Variants in STK39 observed in about 807,000 individuals in gnomAD.
STK39 encodes serine/threonine kinase 39.
STK39 carries 20 observed loss-of-function variants against 77.8 expected under a neutral mutation model. The observed-to-expected ratio is 0.26, with a 90% confidence interval of 0.18 to 0.37. The LOEUF (loss-of-function observed/expected upper bound fraction) is 0.37. Among genes scored for constraint, STK39 ranks in the 10% least tolerant of loss-of-function variants. The pLI is 1.00. For missense variants in STK39, 479 were observed against 656.5 expected (o/e 0.73, Z 2.95); for synonymous variants, 246 against 234.1 (o/e 1.05, Z -0.47).
chr2:168,091,688 C>A (rs1559092861), intron 10 of STK39, among the ~76,000 whole-genome samples: 2 of 151,724 alleles, frequency 1.3e-5, no homozygotes, highest in Non-Finnish European at 2.9e-5. Flanking sequence ...TTTTTGTTAC[C>A]TTTTTTTTAA....
At chr2:168,055,100 C>T (rs1407234005) in intron 14 of STK39, among the ~76,000 whole-genome samples, 1 of 152,118 alleles carries the variant, frequency 6.6e-6, no homozygotes, top group Non-Finnish European at 1.5e-5. Context: ...AGAACATGTA[C>T]TAAAAAAGCA....
rs187131722 is a variant in STK39 at position 168,036,722 on chromosome 2, C to T, written c.1377-19627G>A. ...GATACCTGCTTCTGCTTTCTAAAAG[C>T]CAGTAAGGAAACGTAGCAACAGGAT... On this transcript the variant is annotated intron_variant, in intron 14 of 17. Coordinates refer to ENST00000355999, the MANE Select transcript of STK39 (RefSeq NM_013233.3). Among the ~76,000 whole-genome samples the T allele has an allele frequency of 2.6e-5, 4 of 152,176 alleles. No individual in the cohort carries two copies. The East Asian group carries it at 7.7e-4, about 29-fold the overall frequency.
chr2:168,183,015 C>A (rs1024923888), intron 1 of STK39, among the ~76,000 whole-genome samples: 1 of 152,130 alleles, frequency 6.6e-6, no homozygotes, highest in African/African-American at 2.4e-5. Context: ...AATGATTCAT[C>A]AAATAGCATC....
chr2:168,238,339 T>G (rs1452122349), intron 1 of STK39, among the ~76,000 whole-genome samples: 2 of 152,160 alleles, frequency 1.3e-5, no homozygotes, highest in African/African-American at 4.8e-5. Context: ...GTTAGAAACC[T>G]AAACCCATAA....
intron 16 of STK39, among the ~76,000 whole-genome samples, chr2:167,989,387 T>C (rs1302877804): frequency 2.0e-5 from 3 of 152,182 alleles, no homozygotes; most frequent in Admixed American, 2.0e-4. Context: ...CTTCACTAAA[T>C]AGCTATTCTC....
intron 1 of STK39, among the ~76,000 whole-genome samples, chr2:168,226,366 C>A (rs1430092432): frequency 6.6e-6 from 1 of 152,128 alleles, no homozygotes; most frequent in African/African-American, 2.4e-5. Context: ...CCCACATCTA[C>A]CTTTATAAAG....
intron 16 of STK39, among the ~76,000 whole-genome samples, chr2:167,970,771 AC>A (rs1485870251): frequency 6.6e-6 from 1 of 152,236 alleles, no homozygotes; most frequent in Non-Finnish European, 1.5e-5. Flanking sequence ...CCATACTTCA[AC>A]CAGTCATACA....
At chr2:168,066,832 G>A (rs967359344) in intron 12 of STK39, among the ~76,000 whole-genome samples, 4 of 152,228 alleles carry the variant, frequency 2.6e-5, no homozygotes, top group African/African-American at 9.7e-5. Context: ...CAGCAATATG[G>A]TAATTCCTCA....
intron 16 of STK39, among the ~76,000 whole-genome samples, chr2:167,976,269 T>C (rs1190060983): frequency 6.6e-6 from 1 of 152,216 alleles, no homozygotes; most frequent in Non-Finnish European, 1.5e-5. Flanking sequence ...AAAACAGTAG[T>C]TAGAAAAAAT....
In STK39 at chr2:168,161,669, A is replaced by G. The variant is rs1484313855; in HGVS notation, c.628+118T>C. The G allele has an allele frequency of 4.3e-6, 3 of 691,108 alleles. No homozygotes were observed. The South Asian group carries it at 7.6e-5, about 18-fold the overall frequency. 42.8% of individuals were successfully genotyped at this position (691,108 alleles called of 1,614,324 possible). On this transcript the variant is annotated intron_variant, in intron 5 of 17. Coordinates refer to ENST00000355999, the MANE Select transcript of STK39 (RefSeq NM_013233.3). ...TCCTTCGGACCCAAACATTCTGTAA[A>G]TATCATTCTGAAAAGAGATTACATG...
chr2:167,955,982 C>G (rs1691753553), intron 17 of STK39, among the ~76,000 whole-genome samples: 1 of 152,288 alleles, frequency 6.6e-6, no homozygotes, highest in African/African-American at 2.4e-5. Flanking sequence ...CAGAAGAGAT[C>G]TAACAGGTCA....
At chr2:168,131,702 G>A (rs928655231) in intron 8 of STK39, among the ~76,000 whole-genome samples, 4 of 152,154 alleles carry the variant, frequency 2.6e-5, no homozygotes, top group Non-Finnish European at 4.4e-5. Flanking sequence ...ATTGCTTTGA[G>A]TAACTAAGGG....
At chr2:168,195,233 C>A (rs911165601) in intron 1 of STK39, among the ~76,000 whole-genome samples, 10 of 152,060 alleles carry the variant, frequency 6.6e-5, no homozygotes, top group African/African-American at 2.4e-4. Flanking sequence ...CCCGTCCCTA[C>A]AAAAATTTTT....
intron 10 of STK39, among the ~76,000 whole-genome samples, chr2:168,098,589 T>C (rs1312054482): frequency 6.6e-6 from 1 of 152,212 alleles, no homozygotes; most frequent in Non-Finnish European, 1.5e-5. Context: ...CACCTCCATC[T>C]GAACTGTGCT....
At chr2:168,021,281 T>A (rs1441330685) in intron 14 of STK39, among the ~76,000 whole-genome samples, 1 of 152,170 alleles carries the variant, frequency 6.6e-6, no homozygotes, top group East Asian at 1.9e-4. Flanking sequence ...TCTGCCTATA[T>A]CACCTGTGGT....
At chr2:168,007,834 C>G (rs920923720) in intron 16 of STK39, among the ~76,000 whole-genome samples, 1 of 152,100 alleles carries the variant, frequency 6.6e-6, no homozygotes, top group African/African-American at 2.4e-5. Context: ...GGTGGAGAAC[C>G]ACTGCAGAGT....
At chr2:168,080,175 A>G (rs79405031) in intron 10 of STK39, among the ~76,000 whole-genome samples, 10,308 of 152,258 alleles carry the variant, frequency 0.068, 679 homozygotes, top group East Asian at 0.19. Context: ...ACAGATTGGT[A>G]GAACTTTGAA....
At chr2:168,002,112 T>A (rs974198302) in intron 16 of STK39, among the ~76,000 whole-genome samples, 5 of 152,248 alleles carry the variant, frequency 3.3e-5, no homozygotes, top group Admixed American at 1.3e-4. Flanking sequence ...ACTAATCCAC[T>A]GGCAAGCTCT....
At chr2:168,147,551 G>A (rs1484827134) in intron 5 of STK39, among the ~76,000 whole-genome samples, 3 of 152,068 alleles carry the variant, frequency 2.0e-5, no homozygotes, top group Non-Finnish European at 4.4e-5. Context: ...GTACTAGGAT[G>A]TGTGTCAGTG....
Sources: gnomAD v4.1 joint callset for allele counts (sites outside exome capture counted in the v4.1 genomes callset) on GRCh38, gnomAD v4.1.1 for gene constraint, MANE v1.5 for transcripts, NCBI Gene and HGNC (gene_info 2026-07-23, HGNC 2026-07-21) for gene names.